The following MYPN variants were observed in gnomAD, a reference collection of about 807,000 sequenced individuals.
MYPN encodes myopalladin, also known as sarcomeric protein myopalladin, 145 kDa (MYOP).
A neutral mutation model predicts 129.4 loss-of-function variants in MYPN; 63 were observed. The ratio of observed to expected loss-of-function variants is 0.49; its 90% CI spans 0.40 to 0.60. The LOEUF is 0.60. MYPN is among the 20% of genes least tolerant of loss of function. The pLI is 0.00. For missense variants in MYPN, 1,596 were observed against 1,635.4 expected (o/e 0.98, Z 0.42); for synonymous variants, 629 against 600.9 (o/e 1.05, Z -0.68).
intron 2 of MYPN, among the ~76,000 whole-genome samples, chr10:68,130,906 A>T (rs2042400407): frequency 6.6e-6 from 1 of 152,206 alleles, no homozygotes; most frequent in African/African-American, 2.4e-5. Context: ...CCACTGATCT[A>T]TAGTGTCAGC....
chr10:68,099,446 C>A (rs921883226), intron 1 of MYPN, among the ~76,000 whole-genome samples: 4 of 151,994 alleles, frequency 2.6e-5, no homozygotes, highest in Non-Finnish European at 5.9e-5. Context: ...TACAGCCTGG[C>A]CAACATGGTG....
At chr10:68,140,570 C>T (rs879796950) in intron 2 of MYPN, among the ~76,000 whole-genome samples, 4 of 151,170 alleles carry the variant, frequency 2.6e-5, no homozygotes, top group Non-Finnish European at 4.4e-5. Context: ...TAAAATATAG[C>T]TTTGTGGAGG....
At chr10:68,166,891 T>C (rs769514812) in intron 10 of MYPN, among the ~76,000 whole-genome samples, 5 of 151,712 alleles carry the variant, frequency 3.3e-5, no homozygotes, top group African/African-American at 4.8e-5. Flanking sequence ...AGTAAAAAAA[T>C]TAGCAGGCAT....
chr10:68,095,488 C>T (rs2133938927), intron 1 of MYPN, among the ~76,000 whole-genome samples: 4 of 152,284 alleles, frequency 2.6e-5, no homozygotes, highest in Middle Eastern at 6.8e-3. Context: ...ACCAGGGTCT[C>T]CCTGCCTCCC....
chr10:68,090,455 G>A (rs564295680), intron 1 of MYPN, among the ~76,000 whole-genome samples: 12 of 152,252 alleles, frequency 7.9e-5, no homozygotes, highest in East Asian at 7.7e-4. Context: ...GTGAGCCACC[G>A]CGCCAGGCCT....
chr10:68,161,964 A>C (rs1214987442), intron 8 of MYPN: 1 of 432,960 alleles, frequency 2.3e-6, no homozygotes, highest in Non-Finnish European at 4.1e-6. Flanking sequence ...GAAGTTCAAG[A>C]CCAGCCTGGC....
At chr10:68,108,849 G>A (rs1163954011), upstream of MYPN, among the ~76,000 whole-genome samples, 7 of 152,122 alleles carry the variant, frequency 4.6e-5, no homozygotes, top group Admixed American at 4.6e-4. Flanking sequence ...AGCCTCCTGA[G>A]TAGCTGATTT....
intron 1 of MYPN, among the ~76,000 whole-genome samples, chr10:68,116,218 A>C (rs915778152): frequency 2.0e-5 from 3 of 152,282 alleles, no homozygotes; most frequent in South Asian, 2.1e-4. Context: ...GATTTTTTTT[A>C]AGTACAAATT....
intron 8 of MYPN, among the ~76,000 whole-genome samples, chr10:68,163,615 C>T (rs775670366): frequency 1.1e-4 from 16 of 151,924 alleles, no homozygotes; most frequent in Non-Finnish European, 1.9e-4. Flanking sequence ...GGTGACAGAG[C>T]AAGACTCCAT....
At chr10:68,187,656 CT>C (rs2043443071) in intron 12 of MYPN, among the ~76,000 whole-genome samples, 2 of 152,164 alleles carry the variant, frequency 1.3e-5, no homozygotes, top group Admixed American at 6.5e-5. Flanking sequence ...TAGTATATGA[CT>C]CTGGAATTCT....
At chr10:68,208,953 C>A (rs187324913) in intron 19 of MYPN, among the ~76,000 whole-genome samples, 1 of 152,148 alleles carries the variant, frequency 6.6e-6, no homozygotes, top group African/African-American at 2.4e-5. Context: ...CAAGAGCAGG[C>A]CTTACTGAGT....
chr10:68,115,632 T>G (rs1010289527), intron 1 of MYPN, among the ~76,000 whole-genome samples: 5 of 152,234 alleles, frequency 3.3e-5, no homozygotes, highest in African/African-American at 1.2e-4. Context: ...AGTTTGATTC[T>G]TTGCATAGCA....
chr10:68,145,114 T>C (rs924785214), intron 3 of MYPN, among the ~76,000 whole-genome samples: 1 of 151,182 alleles, frequency 6.6e-6, no homozygotes, highest in South Asian at 2.1e-4. Context: ...AACCTCCGCC[T>C]CCCGGGTTCA....
At position 68,126,304 on chromosome 10, in the gene MYPN, C is replaced by T. The variant is rs185025798; in HGVS notation, c.902+3964C>T. On this transcript the variant is annotated intron_variant, in intron 2 of 19. Coordinates refer to ENST00000358913, the MANE Select transcript of MYPN (RefSeq NM_032578.4). Reference sequence around the variant, plus strand: ...TATTTTTTATATAGCAGAGAGGACACTGACCAAACTGGAAAGGAGAGTAGA... The same window carrying T: ...TATTTTTTATATAGCAGAGAGGACATTGACCAAACTGGAAAGGAGAGTAGA... Among the ~76,000 whole-genome samples, 16 of 152,270 alleles carry T rather than the reference C, an allele frequency of 1.1e-4. No individual in the cohort carries two copies. The East Asian group carries it at 2.7e-3, about 26-fold the overall frequency.
chr10:68,127,223 T>C (rs1197013406), intron 2 of MYPN, among the ~76,000 whole-genome samples: 2 of 152,116 alleles, frequency 1.3e-5, no homozygotes, highest in Non-Finnish European at 2.9e-5. Context: ...CAGGCTGATC[T>C]TGAACTCCTG....
intron 14 of MYPN, among the ~76,000 whole-genome samples, chr10:68,194,715 T>A (rs2134279140): frequency 6.6e-6 from 1 of 152,356 alleles, no homozygotes. Flanking sequence ...TCCTTCAGCC[T>A]TTGTCAAGGG....
chr10:68,121,850 C>T lies in MYPN; in HGVS notation c.412C>T (p.Pro138Ser). The T allele has an allele frequency of 6.2e-7, 1 of 1,614,170 alleles. No homozygotes were observed. Among genetic ancestry groups the T allele is most frequent in the Non-Finnish European group, 8.5e-7 (1 of 1,180,038 alleles). The change falls in exon 2 of 20, where the codon CCA (proline) becomes TCA (serine). Residue 138 changes from proline to serine, a missense_variant. Pro to Ser is a moderately conservative substitution (Grantham distance 74, BLOSUM62 -1). Transcript: ENST00000358913. ...SKESPQEAKRPQYCSETQSKK... is the reference protein window; with the variant it reads ...SKESPQEAKRSQYCSETQSKK... ...AGAAAGCCCCCAGGAGGCAAAAAGG[C>T]CACAGTATTGTTCTGAAACCCAGTC... is the stretch of plus-strand genomic sequence containing the variant.
At chr10:68,168,439 TAA>T (rs2043087087) in intron 10 of MYPN, among the ~76,000 whole-genome samples, 2 of 152,154 alleles carry the variant, frequency 1.3e-5, no homozygotes, top group South Asian at 4.1e-4. Flanking sequence ...CCAAAATATT[TAA>T]AGAGGTTTAT....
chr10:68,094,436 A>ATTTCTTTTTTTTTTTTTTT (rs2041945987), intron 1 of MYPN, among the ~76,000 whole-genome samples: 1 of 151,058 alleles, frequency 6.6e-6, no homozygotes, highest in Non-Finnish European at 1.5e-5. Flanking sequence ...CAATATTTGT[A>ATTTCTTTTTTTTTTTTTTT]TTTTTAGTAG....
Sources: gnomAD v4.1 joint callset for allele counts (sites outside exome capture counted in the v4.1 genomes callset) on GRCh38, gnomAD v4.1.1 for gene constraint, MANE v1.5 for transcripts, NCBI Gene and HGNC (gene_info 2026-07-23, HGNC 2026-07-21) for gene names.